The following GNA13 variants were observed in gnomAD, a reference collection of about 807,000 sequenced individuals.
GNA13 encodes the protein G protein subunit alpha 13, also known as guanine nucleotide-binding protein subunit alpha-13.
In GNA13, 4 loss-of-function variants were observed where a neutral mutation model predicts 33.5. The observed-to-expected ratio is 0.12, with a 90% CI of 0.06 to 0.27. The LOEUF (loss-of-function observed/expected upper bound fraction) is 0.27, where lower values mean the gene tolerates loss of function less well. Among genes scored for constraint, GNA13 ranks in the 10% least tolerant of loss-of-function variants. GNA13 has a pLI of 1.00. For missense variants in GNA13, 319 were observed against 487.2 expected (o/e 0.65, Z 3.25); for synonymous variants, 176 against 183.8 (o/e 0.96, Z 0.34).
At chr17:65,026,296 G>A (rs1906782335) in intron 2 of GNA13, among the ~76,000 whole-genome samples, 1 of 151,218 alleles carries the variant, frequency 6.6e-6, no homozygotes, top group Admixed American at 6.6e-5. Flanking sequence ...ATCCCTCTGA[G>A]TCAGGTCAGA....
intron 2 of GNA13, among the ~76,000 whole-genome samples, chr17:65,028,792 C>T (rs559086709): frequency 6.6e-6 from 1 of 152,272 alleles, no homozygotes; most frequent in South Asian, 2.1e-4. Flanking sequence ...CTCCACACCA[C>T]CTTCTTCTTC....
At chr17:65,045,042 CAA>C (rs1244382117) in intron 2 of GNA13, among the ~76,000 whole-genome samples, 14 of 53,254 alleles carry the variant, frequency 2.6e-4, no homozygotes, top group Non-Finnish European at 3.4e-4. Context: ...GACTCCATCT[CAA>C]AAAAAAAAAA....
chr17:65,051,588 A>G (rs1343403979), intron 2 of GNA13, among the ~76,000 whole-genome samples: 1 of 152,174 alleles, frequency 6.6e-6, no homozygotes, highest in East Asian at 1.9e-4. Context: ...CAGCCTGGGC[A>G]ACAAGAACAA....
At chr17:65,023,391 G>A (rs1049494133) in intron 2 of GNA13, among the ~76,000 whole-genome samples, 11 of 152,250 alleles carry the variant, frequency 7.2e-5, no homozygotes, top group Non-Finnish European at 2.9e-5. Flanking sequence ...ACAGTTCGAT[G>A]TCTTAGCAGC....
At chr17:65,053,841 C>T in intron 1 of GNA13, 113 bp from the exon 2 acceptor site, 1 of 681,270 alleles carries the variant, frequency 1.5e-6, no homozygotes, top group Non-Finnish European at 2.5e-6. Context: ...GACAAACCTT[C>T]TTCAAAAATG....
chr17:65,034,799 T>C (rs771619548), intron 2 of GNA13, among the ~76,000 whole-genome samples: 3 of 152,196 alleles, frequency 2.0e-5, no homozygotes, highest in Non-Finnish European at 2.9e-5. Context: ...TATTTTATTT[T>C]TTTGAGATGG....
At chr17:65,025,599 A>G (rs1439702421) in intron 2 of GNA13, among the ~76,000 whole-genome samples, 2 of 152,180 alleles carry the variant, frequency 1.3e-5, no homozygotes, top group African/African-American at 4.8e-5. Flanking sequence ...TGAAACCTCA[A>G]TTAAACTTAC....
At chr17:65,037,796 A>AAAAAAAAAAAAAAAAAAAAC in intron 2 of GNA13, among the ~76,000 whole-genome samples, 1 of 150,164 alleles carries the variant, frequency 6.7e-6, no homozygotes, top group African/African-American at 2.4e-5. Context: ...AAAAAAAAAA[A>AAAAAAAAAAAAAAAAAAAAC]AAAAGACAAA....
rs1272032571 is a variant in GNA13 at position 65,013,375 on chromosome 17, A to C, written c.*882T>G. The C allele has an allele frequency of 9.5e-6, 2 of 210,188 alleles. No individual in the cohort carries two copies. Among genetic ancestry groups the C allele is most frequent in the Non-Finnish European group, 1.9e-5 (2 of 103,368 alleles). The allele number at this position is 210,188 out of a possible 1,614,324, so 13.0% of individuals were successfully genotyped here. A position where few individuals can be genotyped will look rare whatever the true frequency, so the allele number is the denominator to read the frequency against. On this transcript the variant is annotated 3_prime_UTR_variant, in exon 4 of 4. Coordinates refer to ENST00000439174, the MANE Select transcript of GNA13 (RefSeq NM_006572.6). ...TACTGACCAACTGAGATAGGGCTTA[A>C]AAGTCAAATACATGACATTCTGGAA... is the stretch of plus-strand genomic sequence containing the variant.
intron 2 of GNA13, among the ~76,000 whole-genome samples, chr17:65,029,812 T>C (rs898266986): frequency 2.6e-5 from 4 of 152,208 alleles, no homozygotes; most frequent in Non-Finnish European, 5.9e-5. Flanking sequence ...CCTGTTTCCA[T>C]CTTATTATTT....
chr17:65,051,239 G>C (rs563684158), intron 2 of GNA13, among the ~76,000 whole-genome samples: 1 of 152,292 alleles, frequency 6.6e-6, no homozygotes, highest in African/African-American at 2.4e-5. Flanking sequence ...AGGATGAATA[G>C]AGCCTGACAA....
intron 2 of GNA13, among the ~76,000 whole-genome samples, chr17:65,040,637 G>A (rs1235449658): frequency 2.0e-5 from 3 of 151,976 alleles, no homozygotes; most frequent in African/African-American, 4.8e-5. Context: ...GGGATTACAG[G>A]TGCCCGCCAC....
rs757910798 is a variant in GNA13 at position 65,014,428 on chromosome 17, G to A, written c.963C>T (p.Asp321=). The change falls in exon 4 of 4, where the codon GAC becomes GAT. Residue 321 remains aspartate (D), a synonymous_variant. Coordinates refer to ENST00000439174, the MANE Select transcript of GNA13 (RefSeq NM_006572.6). The surrounding 1 kb of genome is among the most constrained non-coding windows in gnomAD (Gnocchi z 5.3). ...AACATTCCACCAGGAATTTTTGGAC[G>A]TCTCTTAAGCAGTGGGGATCCCCTT... ...EFEGDPHCLR[D]VQKFLVECFR... is the part of the protein sequence containing the mutation. 1.8e-5 allele frequency: 29 copies of A among 1,614,018 alleles called. No individual in the cohort carries two copies. The Middle Eastern group carries it at 4.9e-4, about 27-fold the overall frequency.
intron 2 of GNA13, among the ~76,000 whole-genome samples, chr17:65,037,787 A>AAAAAAAAAAAAAAAAAAAC (rs1397963374): frequency 1.3e-5 from 2 of 149,148 alleles, no homozygotes; most frequent in South Asian, 2.1e-4. Context: ...GGAAAAAAAA[A>AAAAAAAAAAAAAAAAAAAC]AAAAAAAAAA....
chr17:65,011,763 TTA>T lies in GNA13; in HGVS notation c.*2492_*2493del. ...AGAACTTTAAATCTAAATTACTTTT[TTA>T]GAGACTGGGGTAAGTTTGCATAGTG... is the stretch of plus-strand genomic sequence containing the variant. On this transcript the variant is annotated 3_prime_UTR_variant, in exon 4 of 4. Transcript: ENST00000439174. The T allele has an allele frequency of 4.4e-6, 1 of 228,646 alleles. No individual in the cohort carries two copies. The highest frequency in any genetic ancestry group is 8.7e-6 in the Non-Finnish European group (1 of 115,242). The allele number at this position is 228,646 out of a possible 1,614,324, so 14.2% of individuals were successfully genotyped here.
intron 2 of GNA13, among the ~76,000 whole-genome samples, chr17:65,029,717 A>AG (rs1906933115): frequency 6.6e-6 from 1 of 152,196 alleles, no homozygotes; most frequent in African/African-American, 2.4e-5. Flanking sequence ...CCTGTATCCT[A>AG]GGATAGCAAT....
intron 3 of GNA13, among the ~76,000 whole-genome samples, chr17:65,016,656 C>A (rs957909038): frequency 2.0e-5 from 3 of 152,210 alleles, no homozygotes; most frequent in Non-Finnish European, 2.9e-5. Flanking sequence ...GCCACTGCAC[C>A]CGGCCAGAAT....
At chr17:65,020,114 C>G (rs1054269946) in intron 2 of GNA13, among the ~76,000 whole-genome samples, 1 of 152,178 alleles carries the variant, frequency 6.6e-6, no homozygotes, top group Non-Finnish European at 1.5e-5. Flanking sequence ...AAGCTCAGTA[C>G]GAGGCAACTG....
chr17:65,040,142 A>C (rs916702029), intron 2 of GNA13, among the ~76,000 whole-genome samples: 1 of 152,212 alleles, frequency 6.6e-6, no homozygotes, highest in African/African-American at 2.4e-5. Flanking sequence ...CTGTACAACA[A>C]GGGGAACCTT....
Sources: gnomAD v4.1 joint callset for allele counts (sites outside exome capture counted in the v4.1 genomes callset) on GRCh38, gnomAD v4.1.1 for gene constraint, Gnocchi (gnomAD v3.1) non-coding constraint, MANE v1.5 for transcripts, NCBI Gene and HGNC (gene_info 2026-07-23, HGNC 2026-07-21) for gene names.